Variants in EFCAB5 observed in about 807,000 individuals in gnomAD.
EFCAB5 encodes the protein EF-hand calcium binding domain 5, also known as EF-hand calcium-binding domain-containing protein 5.
Under a neutral mutation model 167.9 loss-of-function variants are expected in EFCAB5, and 131 were observed. The observed-to-expected ratio is 0.78, with a 90% CI of 0.68 to 0.90. The LOEUF (loss-of-function observed/expected upper bound fraction) is 0.90. EFCAB5 is among the 40% of genes least tolerant of loss of function. The pLI is 0.00. For synonymous variants in EFCAB5, 574 were observed against 602.8 expected (o/e 0.95, Z 0.70); for missense variants, 1,663 against 1,745.2 (o/e 0.95, Z 0.84).
In EFCAB5 at chr17:30,036,169, TATA is replaced by T. The variant is rs2069612726; in HGVS notation, c.1200+1788_1200+1790del. ...ATATATAATATATTATTATATATAA[TATA>T]ATATATGTATGTATAAATATATCTT... On this transcript the variant is annotated intron_variant, in intron 8 of 22. Transcript: ENST00000394835. Among the ~76,000 whole-genome samples, 6 of 142,426 alleles carry T rather than the reference TATA, an allele frequency of 4.2e-5. No individual in the cohort carries two copies. In the South Asian group the frequency reaches 1.3e-3, roughly 30 times the overall value. The allele number at this position is 142,426 out of a possible 152,430, so 93.4% of individuals were successfully genotyped here.
At chr17:29,954,170 T>TG (rs1170810933) in intron 3 of EFCAB5, among the ~76,000 whole-genome samples, 1 of 152,138 alleles carries the variant, frequency 6.6e-6, no homozygotes, top group African/African-American at 2.4e-5. Context: ...CCCCATTTTC[T>TG]GGGGAGAAAT....
intron 4 of EFCAB5, among the ~76,000 whole-genome samples, chr17:29,970,710 G>T (rs1385748017): frequency 3.5e-5 from 5 of 144,628 alleles, no homozygotes; most frequent in Admixed American, 3.4e-4. Context: ...ACCAACATCT[G>T]TAATAATGAT....
At chr17:29,932,148 AC>A (rs993579541) in intron 1 of EFCAB5, among the ~76,000 whole-genome samples, 6 of 147,626 alleles carry the variant, frequency 4.1e-5, no homozygotes, top group African/African-American at 7.6e-5. Context: ...AATTAAGATA[AC>A]TTTTTTTTTT....
chr17:29,983,565 T>C lies in EFCAB5; in HGVS notation c.768-9600T>C, dbSNP rs185881952. Among the ~76,000 whole-genome samples, 7 of 152,308 alleles carry C rather than the reference T, an allele frequency of 4.6e-5. No homozygotes were observed. In the East Asian group the frequency reaches 1.4e-3, roughly 29 times the overall value. Reference sequence around the variant, plus strand: ...CTATTTTTGCAATTTTTCCATAATGTAGTTTTTCTTCCCTTCCAGTCCCCT... The same window carrying C: ...CTATTTTTGCAATTTTTCCATAATGCAGTTTTTCTTCCCTTCCAGTCCCCT... On this transcript the variant is annotated intron_variant, in intron 4 of 22. Transcript: ENST00000394835.
chr17:29,954,193 C>T (rs1214108321), intron 3 of EFCAB5, among the ~76,000 whole-genome samples: 2 of 152,164 alleles, frequency 1.3e-5, no homozygotes, highest in Non-Finnish European at 2.9e-5. Flanking sequence ...AAGCCAGCTG[C>T]AGAAATTTGC....
chr17:29,993,413 C>T, intron 5 of EFCAB5, 92 bp downstream of exon 5: 1 of 1,326,304 alleles, frequency 7.5e-7, no homozygotes, highest in Non-Finnish European at 1.0e-6. Context: ...AGAAGCCTCC[C>T]TTGAAATTTT....
intron 6 of EFCAB5, among the ~76,000 whole-genome samples, chr17:29,997,291 A>G (rs1366717120): frequency 6.6e-6 from 1 of 152,026 alleles, no homozygotes; most frequent in Non-Finnish European, 1.5e-5. Flanking sequence ...CTGTATTTCA[A>G]TATATAAATG....
At chr17:30,055,794 T>C in intron 10 of EFCAB5, 94 bp from the exon 11 acceptor site, 1 of 1,320,720 alleles carries the variant, frequency 7.6e-7, no homozygotes, top group Non-Finnish European at 1.0e-6. Context: ...TTTGGTGTTC[T>C]ATATGCAATG....
intron 7 of EFCAB5, among the ~76,000 whole-genome samples, chr17:30,005,214 T>C (rs1301542348): frequency 6.6e-6 from 1 of 152,132 alleles, no homozygotes; most frequent in Non-Finnish European, 1.5e-5. Flanking sequence ...CAGTAGGTAT[T>C]ATTGAGTATA....
intron 1 of EFCAB5, among the ~76,000 whole-genome samples, chr17:29,936,362 G>A (rs1414549066): frequency 6.6e-6 from 1 of 152,152 alleles, no homozygotes; most frequent in African/African-American, 2.4e-5. Flanking sequence ...TGTAAATGAT[G>A]AGTTAATGGG....
chr17:29,976,373 A>G (rs1025850251), intron 4 of EFCAB5, among the ~76,000 whole-genome samples: 3 of 152,194 alleles, frequency 2.0e-5, no homozygotes, highest in African/African-American at 4.8e-5. Flanking sequence ...CAGGAATTTC[A>G]TGAAATAATC....
At chr17:30,062,837 C>G (rs1374712152) in intron 14 of EFCAB5, among the ~76,000 whole-genome samples, 1 of 152,150 alleles carries the variant, frequency 6.6e-6, no homozygotes. Context: ...TACTCTGCCT[C>G]CTAGAAAAAC....
chr17:30,021,856 A>T (rs1233482611), intron 7 of EFCAB5, among the ~76,000 whole-genome samples: 1 of 152,170 alleles, frequency 6.6e-6, no homozygotes, highest in African/African-American at 2.4e-5. Flanking sequence ...TGTAATAATA[A>T]ATGTTGGGCT....
At position 29,963,435 on chromosome 17, in the gene EFCAB5, G is replaced by C. The variant is rs1043108212; in HGVS notation, c.191-5356G>C. Among the ~76,000 whole-genome samples the C allele has an allele frequency of 3.9e-5, 6 of 152,162 alleles. No individual in the cohort carries two copies. The East Asian group carries it at 1.2e-3, about 29-fold the overall frequency. ...TCATGTTGAAAAGGCTTTTACTATG[G>C]TCTTGGATTTGATTTGTTAATATTT... On this transcript the variant is annotated intron_variant, in intron 3 of 22. Coordinates refer to ENST00000394835, the MANE Select transcript of EFCAB5 (RefSeq NM_198529.4).
At chr17:30,065,268 CA>C (rs1390666868) in intron 14 of EFCAB5, among the ~76,000 whole-genome samples, 1 of 152,130 alleles carries the variant, frequency 6.6e-6, no homozygotes, top group Non-Finnish European at 1.5e-5. Flanking sequence ...AAACAATTAA[CA>C]AAATGACAGG....
intron 14 of EFCAB5, among the ~76,000 whole-genome samples, chr17:30,072,541 G>C (rs1417950738): frequency 6.6e-6 from 1 of 152,158 alleles, no homozygotes; most frequent in Non-Finnish European, 1.5e-5. Context: ...CTGGAATAAA[G>C]AATCTCTAAG....
At chr17:30,056,177 T>C (rs769890579) in intron 12 of EFCAB5, 21 bp downstream of exon 12, 1 of 1,584,548 alleles carries the variant, frequency 6.3e-7, no homozygotes, top group Non-Finnish European at 8.6e-7. Context: ...ACAATGAAAG[T>C]AGGAATAGAT....
intron 4 of EFCAB5, among the ~76,000 whole-genome samples, chr17:29,985,512 G>A (rs1025503260): frequency 2.0e-5 from 3 of 152,204 alleles, no homozygotes; most frequent in South Asian, 4.1e-4. Flanking sequence ...CTTCAGAGCC[G>A]AGAGCCTGGA....
chr17:30,070,046 C>T (rs775482358), intron 14 of EFCAB5, among the ~76,000 whole-genome samples: 23 of 152,186 alleles, frequency 1.5e-4, no homozygotes, highest in Non-Finnish European at 3.1e-4. Flanking sequence ...AGTCACTGAC[C>T]TTTCCCATCC....
Sources: allele counts gnomAD v4.1 joint callset (sites outside exome capture counted in the v4.1 genomes callset), GRCh38; gene constraint gnomAD v4.1.1; transcripts MANE v1.5; gene names NCBI Gene and HGNC (gene_info 2026-07-23, HGNC 2026-07-21).